The following SHB variants were observed in gnomAD, a reference collection of about 807,000 sequenced individuals.
SHB encodes SH2 domain-containing adapter protein B.
Under a neutral mutation model 52.3 loss-of-function variants are expected in SHB, and 20 were observed. That is an observed-to-expected ratio of 0.38 (90% CI 0.27 to 0.56). The LOEUF is 0.56. Among genes scored for constraint, SHB ranks in the 20% least tolerant of loss-of-function variants. The probability of loss-of-function intolerance (pLI) is 0.71; values close to 1 mark genes in which losing one functional copy is unlikely to be tolerated. For missense variants in SHB, 825 were observed against 723.3 expected (o/e 1.14, Z -1.61); for synonymous variants, 397 against 316.5 (o/e 1.25, Z -2.70).
intron 1 of SHB, among the ~76,000 whole-genome samples, chr9:38,039,906 G>A (rs1265223996): frequency 6.6e-6 from 1 of 152,250 alleles, no homozygotes; most frequent in Non-Finnish European, 1.5e-5. Context: ...GGCGGCCCAT[G>A]CCCTGCCCTC....
chr9:38,040,680 G>C (rs1329247512), intron 1 of SHB, among the ~76,000 whole-genome samples: 1 of 152,030 alleles, frequency 6.6e-6, no homozygotes, highest in South Asian at 2.1e-4. Flanking sequence ...CACTACGGTG[G>C]GGGGGCTGCA....
intron 2 of SHB, among the ~76,000 whole-genome samples, chr9:37,982,751 A>T (rs1301331864): frequency 6.6e-6 from 1 of 152,160 alleles, no homozygotes; most frequent in Non-Finnish European, 1.5e-5. Flanking sequence ...GTGAGCCAAG[A>T]TCACGCTATT....
chr9:37,931,123 G>T (rs1337804526), intron 5 of SHB, among the ~76,000 whole-genome samples: 1 of 152,046 alleles, frequency 6.6e-6, no homozygotes, highest in Non-Finnish European at 1.5e-5. Flanking sequence ...ACTCAAAATG[G>T]ATAAAAGACC....
At chr9:37,973,805 C>A (rs926648667) in intron 3 of SHB, among the ~76,000 whole-genome samples, 2 of 152,150 alleles carry the variant, frequency 1.3e-5, no homozygotes. Context: ...TGAGCGTGTG[C>A]ACGCTGAAAC....
At chr9:38,035,051 T>C (rs1483121704) in intron 1 of SHB, among the ~76,000 whole-genome samples, 1 of 151,894 alleles carries the variant, frequency 6.6e-6, no homozygotes, top group East Asian at 1.9e-4. Context: ...GAGCCCAGAC[T>C]CTCCCCCACG....
At chr9:37,941,488 G>A (rs764852913) in intron 5 of SHB, among the ~76,000 whole-genome samples, 4 of 152,186 alleles carry the variant, frequency 2.6e-5, no homozygotes, top group African/African-American at 7.2e-5. Flanking sequence ...TGTCTTCACC[G>A]CTGTGCAGAG....
In SHB at chr9:38,069,041, C is replaced by T. The variant is rs1268266818; in HGVS notation, c.-396G>A. 1 of 151,750 alleles carries T rather than the reference C, an allele frequency of 6.6e-6. No individual in the cohort carries two copies. Among genetic ancestry groups the T allele is most frequent in the East Asian group, 2.0e-4 (1 of 5,104 alleles). The allele number at this position is 151,750 out of a possible 1,614,324, so 9.4% of individuals were successfully genotyped here. On this transcript the variant is annotated 5_prime_UTR_variant, in exon 1 of 6. Coordinates refer to ENST00000377707, the MANE Select transcript of SHB (RefSeq NM_003028.3). ...CAGCCTCCGCCTTGGCCGGGATCCGCGGCTGCCGCGGGAACTTCTCGGCGT... is the reference window on the plus strand; with the variant it reads ...CAGCCTCCGCCTTGGCCGGGATCCGTGGCTGCCGCGGGAACTTCTCGGCGT...
chr9:38,020,872 C>T (rs1443441663), intron 1 of SHB, among the ~76,000 whole-genome samples: 1 of 152,132 alleles, frequency 6.6e-6, no homozygotes, highest in Non-Finnish European at 1.5e-5. Flanking sequence ...CAAGGCAAGG[C>T]TTTCTGTTTG....
intron 3 of SHB, among the ~76,000 whole-genome samples, chr9:37,972,992 T>C (rs1477589678): frequency 6.6e-6 from 1 of 152,240 alleles, no homozygotes; most frequent in African/African-American, 2.4e-5. Context: ...GTCTCTCTTT[T>C]TACATGCCTA....
intron 1 of SHB, among the ~76,000 whole-genome samples, chr9:38,060,749 C>T (rs927589371): frequency 6.6e-6 from 1 of 152,192 alleles, no homozygotes; most frequent in Non-Finnish European, 1.5e-5. Flanking sequence ...CCTGTGGCTC[C>T]ATGAAATCAA....
chr9:38,022,977 C>T (rs1821299839), intron 1 of SHB, among the ~76,000 whole-genome samples: 1 of 152,294 alleles, frequency 6.6e-6, no homozygotes, highest in South Asian at 2.1e-4. Context: ...TTCTAGTGCA[C>T]ATACAGTGCA....
intron 1 of SHB, among the ~76,000 whole-genome samples, chr9:38,066,697 G>A (rs1261876007): frequency 1.3e-5 from 2 of 152,122 alleles, no homozygotes; most frequent in African/African-American, 4.8e-5. Context: ...GGGGACCTCG[G>A]GGAGGGGAGG....
chr9:37,939,850 C>T (rs1345851503), intron 5 of SHB, among the ~76,000 whole-genome samples: 2 of 152,214 alleles, frequency 1.3e-5, no homozygotes, highest in Non-Finnish European at 1.5e-5. Flanking sequence ...CTTGAACATA[C>T]TATCACAGTG....
At chr9:38,031,689 C>T (rs1821417658) in intron 1 of SHB, among the ~76,000 whole-genome samples, 1 of 152,214 alleles carries the variant, frequency 6.6e-6, no homozygotes, top group Admixed American at 6.5e-5. Flanking sequence ...GAGCTGGTTT[C>T]CATGAAACAC....
Position 38,068,027 on chromosome 9 carries a change from C to A in SHB, c.619G>T (p.Gly207Cys). 2.0e-6 allele frequency: 3 copies of A among 1,509,374 alleles called. No homozygotes were observed. In the South Asian group the frequency reaches 3.7e-5, roughly 19 times the overall value. The allele number at this position is 1,509,374 out of a possible 1,614,324, so 93.5% of individuals were successfully genotyped here. ...GDPLGGACAG[G>C]RTWSPTACGG... ...CAGGCCGTCGGGCTCCAGGTGCGGC[C>A]GCCCGCGCAGGCGCCCCCCAGGGGG... The change falls in exon 1 of 6, where the codon GGC (glycine) becomes TGC (cysteine). Residue 207 changes from glycine (G) to cysteine (C), a missense_variant. Coordinates refer to ENST00000377707, the MANE Select transcript of SHB (RefSeq NM_003028.3).
At chr9:37,958,677 A>G (rs1317887272) in intron 3 of SHB, among the ~76,000 whole-genome samples, 1 of 152,116 alleles carries the variant, frequency 6.6e-6, no homozygotes, top group Non-Finnish European at 1.5e-5. Flanking sequence ...GCCCTTTCCC[A>G]TCAGCTAATA....
At chr9:37,962,229 C>T (rs1321814144) in intron 3 of SHB, among the ~76,000 whole-genome samples, 1 of 152,210 alleles carries the variant, frequency 6.6e-6, no homozygotes, top group African/African-American at 2.4e-5. Context: ...GATACAATGC[C>T]TGTATCAGAA....
intron 5 of SHB, among the ~76,000 whole-genome samples, chr9:37,948,071 G>A (rs769014706): frequency 6.6e-6 from 1 of 152,210 alleles, no homozygotes; most frequent in Non-Finnish European, 1.5e-5. Flanking sequence ...AGTTTCCAAA[G>A]CTGCGATAGG....
chr9:38,013,838 T>C (rs1200171389), intron 2 of SHB, among the ~76,000 whole-genome samples: 1 of 152,174 alleles, frequency 6.6e-6, no homozygotes, highest in Non-Finnish European at 1.5e-5. Flanking sequence ...CCTCAGCCCC[T>C]GTCCCATGTT....
Sources: allele counts gnomAD v4.1 joint callset (sites outside exome capture counted in the v4.1 genomes callset), GRCh38; gene constraint gnomAD v4.1.1; transcripts MANE v1.5; gene names NCBI Gene and HGNC (gene_info 2026-07-23, HGNC 2026-07-21).